Variants in RBMS3 observed in about 807,000 individuals in gnomAD.
RBMS3 encodes the protein RNA binding motif single stranded interacting protein 3, also known as RNA-binding motif, single-stranded-interacting protein 3.
A neutral mutation model predicts 66.8 loss-of-function variants in RBMS3; 27 were observed. The observed-to-expected ratio is 0.40, with a 90% CI of 0.30 to 0.56. The LOEUF (loss-of-function observed/expected upper bound fraction) is 0.56, where lower values mean the gene tolerates loss of function less well. RBMS3 is among the 20% of genes least tolerant of loss of function. The pLI is 0.40. For missense variants in RBMS3, 513 were observed against 549.5 expected, an observed-to-expected ratio of 0.93 and a Z score of 0.66; for synonymous variants, 188 against 183.0, an observed-to-expected ratio of 1.03 and a Z score of -0.22.
intron 4 of RBMS3, among the ~76,000 whole-genome samples, chr3:29,610,778 A>G (rs1428579660): frequency 1.3e-5 from 2 of 152,066 alleles, no homozygotes; most frequent in Non-Finnish European, 2.9e-5. Flanking sequence ...AGAGCATGAC[A>G]CCATATTTTT....
At chr3:29,884,731 T>C (rs2059828094) in intron 8 of RBMS3, among the ~76,000 whole-genome samples, 1 of 151,878 alleles carries the variant, frequency 6.6e-6, no homozygotes, top group Non-Finnish European at 1.5e-5. Flanking sequence ...AGCTTAAACT[T>C]CCTCCTCTGA....
chr3:29,365,031 G>A (rs1010609332), intron 1 of RBMS3, among the ~76,000 whole-genome samples: 1 of 152,000 alleles, frequency 6.6e-6, no homozygotes, highest in Non-Finnish European at 1.5e-5. Flanking sequence ...ACTTCTCAAG[G>A]GTCAAAATGG....
At chr3:29,399,077 C>A (rs1311950858) in intron 1 of RBMS3, among the ~76,000 whole-genome samples, 1 of 152,134 alleles carries the variant, frequency 6.6e-6, no homozygotes, top group African/African-American at 2.4e-5. Flanking sequence ...TCCTATCAAG[C>A]CTTTTCTCTA....
intron 10 of RBMS3, among the ~76,000 whole-genome samples, chr3:29,911,904 T>C (rs2060524023): frequency 6.6e-6 from 1 of 152,054 alleles, no homozygotes; most frequent in African/African-American, 2.4e-5. Flanking sequence ...TCAGAGATAA[T>C]TTATTAATCA....
chr3:29,715,921 A>C (rs1390718531), intron 4 of RBMS3, among the ~76,000 whole-genome samples: 1 of 152,108 alleles, frequency 6.6e-6, no homozygotes, highest in Non-Finnish European at 1.5e-5. Flanking sequence ...TTAGCCTTTG[A>C]TGCCTTTTCA....
intron 2 of RBMS3, among the ~76,000 whole-genome samples, chr3:29,453,535 C>A (rs2042079997): frequency 6.6e-6 from 1 of 152,222 alleles, no homozygotes; most frequent in East Asian, 1.9e-4. Flanking sequence ...CAGTTAGTAA[C>A]CAAACCCTTG....
At chr3:29,516,980 A>T (rs1365902236) in intron 3 of RBMS3, among the ~76,000 whole-genome samples, 1 of 152,050 alleles carries the variant, frequency 6.6e-6, no homozygotes, top group East Asian at 1.9e-4. Context: ...TGGGAGGTTG[A>T]GGCAGGTGGA....
chr3:29,642,021 G>A (rs1398406907), intron 4 of RBMS3, among the ~76,000 whole-genome samples: 1 of 152,074 alleles, frequency 6.6e-6, no homozygotes, highest in East Asian at 1.9e-4. Context: ...ATTTTATGAA[G>A]AGATACATAG....
intron 12 of RBMS3, among the ~76,000 whole-genome samples, chr3:29,952,831 G>A (rs1695773419): frequency 6.6e-6 from 1 of 151,772 alleles, no homozygotes. Flanking sequence ...GTTTGCCCAA[G>A]AGACTCAGAT....
chr3:29,710,578 G>C (rs1374918277), intron 4 of RBMS3, among the ~76,000 whole-genome samples: 2 of 152,136 alleles, frequency 1.3e-5, no homozygotes, highest in Non-Finnish European at 2.9e-5. Flanking sequence ...GAACGTTTAT[G>C]GGTGACAGCT....
At chr3:29,457,350 G>A (rs1369848988) in intron 2 of RBMS3, among the ~76,000 whole-genome samples, 2 of 152,048 alleles carry the variant, frequency 1.3e-5, no homozygotes, top group Non-Finnish European at 2.9e-5. Flanking sequence ...CCATCAATCT[G>A]TTCTTCACAC....
intron 3 of RBMS3, among the ~76,000 whole-genome samples, chr3:29,574,689 A>G (rs536145633): frequency 6.6e-6 from 1 of 152,138 alleles, no homozygotes; most frequent in African/African-American, 2.4e-5. Context: ...CTCTGACGGT[A>G]TGATTTAATT....
At chr3:29,950,438 G>T (rs1206285816) in intron 12 of RBMS3, among the ~76,000 whole-genome samples, 1 of 151,814 alleles carries the variant, frequency 6.6e-6, no homozygotes, top group African/African-American at 2.4e-5. Flanking sequence ...AATTGCGTGT[G>T]CAGGAATCAG....
At chr3:29,628,710 C>T (rs572819494) in intron 4 of RBMS3, among the ~76,000 whole-genome samples, 88 of 152,132 alleles carry the variant, frequency 5.8e-4, no homozygotes, top group African/African-American at 1.3e-3. Flanking sequence ...ATTGTTTTTA[C>T]GCTGACAGCA....
At chr3:29,654,322 G>A (rs1254323630) in intron 4 of RBMS3, among the ~76,000 whole-genome samples, 1 of 152,072 alleles carries the variant, frequency 6.6e-6, no homozygotes. Context: ...TTAAGTATTG[G>A]ACTACAAACT....
intron 8 of RBMS3, among the ~76,000 whole-genome samples, chr3:29,891,221 T>C (rs2059994708): frequency 6.6e-6 from 1 of 151,644 alleles, no homozygotes; most frequent in Non-Finnish European, 1.5e-5. Flanking sequence ...AGCTTGATTG[T>C]TAGCTAAGGA....
chr3:29,587,475 T>G (rs1381638715), intron 4 of RBMS3, among the ~76,000 whole-genome samples: 1 of 151,796 alleles, frequency 6.6e-6, no homozygotes, highest in Non-Finnish European at 1.5e-5. Flanking sequence ...CTATATTTAT[T>G]ATTGTATCTT....
At chr3:29,694,786 G>C (rs1444800795) in intron 4 of RBMS3, among the ~76,000 whole-genome samples, 1 of 151,876 alleles carries the variant, frequency 6.6e-6, no homozygotes, top group East Asian at 1.9e-4. Flanking sequence ...ATTAAAAACT[G>C]TTCTTACCCA....
intron 11 of RBMS3, among the ~76,000 whole-genome samples, chr3:29,942,182 G>T (rs972721878): frequency 6.6e-6 from 1 of 151,720 alleles, no homozygotes; most frequent in Non-Finnish European, 1.5e-5. Flanking sequence ...AATCGTAAGA[G>T]AAATAATTGG....
Sources: allele counts gnomAD v4.1 joint callset (sites outside exome capture counted in the v4.1 genomes callset), GRCh38; gene constraint gnomAD v4.1.1; transcripts MANE v1.5; gene names NCBI Gene and HGNC (gene_info 2026-07-23, HGNC 2026-07-21).